The following GREB1 variants were observed in gnomAD, a reference collection of about 807,000 sequenced individuals.
The protein encoded by GREB1 is growth regulating estrogen receptor binding 1, also known as protein GREB1.
GREB1 carries 106 observed loss-of-function variants against 200.7 expected under a neutral mutation model. That is an observed-to-expected ratio of 0.53 (90% CI 0.45 to 0.62). The LOEUF (loss-of-function observed/expected upper bound fraction) is 0.62, where lower values mean the gene tolerates loss of function less well. Ranked by LOEUF, GREB1 falls within the 20% of genes least tolerant of loss-of-function variation. The pLI, the probability that GREB1 is intolerant of heterozygous loss-of-function variation, is 0.00. For missense variants in GREB1, 2,243 were observed against 2,556.8 expected (o/e 0.88, Z 2.65); for synonymous variants, 1,132 against 1,092.4 (o/e 1.04, Z -0.72).
At chr2:11,564,085 T>C (rs1050705674) in intron 3 of GREB1, among the ~76,000 whole-genome samples, 5 of 152,268 alleles carry the variant, frequency 3.3e-5, no homozygotes, top group African/African-American at 1.2e-4. Flanking sequence ...GGGAACAGCA[T>C]GTGCAAAGGC....
chr2:11,589,075 C>T lies in GREB1; in HGVS notation c.1345+144C>T, dbSNP rs1680470593. On this transcript the variant is annotated intron_variant, in intron 10 of 32. Transcript: ENST00000381486. ...GCTTATGGCTTCACTGGCGGGACGT[C>T]ATGAAGTCACTGTGGGCGTCCCCAC... The T allele has an allele frequency of 4.1e-5, 27 of 661,276 alleles. No individual in the cohort carries two copies. The South Asian group carries it at 4.4e-4, about 11-fold the overall frequency. 41.0% of individuals were successfully genotyped at this position (661,276 alleles called of 1,614,324 possible). A position where few individuals can be genotyped will look rare whatever the true frequency, so the allele number is the denominator to read the frequency against.
intron 1 of GREB1, among the ~76,000 whole-genome samples, chr2:11,485,721 C>T (rs1355709628): frequency 6.6e-6 from 1 of 152,104 alleles, no homozygotes; most frequent in African/African-American, 2.4e-5. Context: ...TATTGAATAC[C>T]TGTGGCATTA....
At chr2:11,538,391 T>A (rs2148507229) in intron 1 of GREB1, among the ~76,000 whole-genome samples, 2 of 152,276 alleles carry the variant, frequency 1.3e-5, no homozygotes, top group South Asian at 4.1e-4. Flanking sequence ...AAAAGATAAA[T>A]GACCTTGAAC....
rs1162236740 is a variant in GREB1 at position 11,597,597 on chromosome 2, C to T, written c.1955-184C>T. On this transcript the variant is annotated intron_variant, in intron 13 of 32. Coordinates refer to ENST00000381486, the MANE Select transcript of GREB1 (RefSeq NM_014668.4). The surrounding 1 kb of genome is among the most constrained non-coding windows in gnomAD (Gnocchi z 4.1). ...AGATGGTGCATAAAATGATTGCTAC[C>T]CCCACACCCGCCACTGCTTAGCTGA... Among the ~76,000 whole-genome samples, 1 of 152,052 alleles carries T rather than the reference C, an allele frequency of 6.6e-6. No individual in the cohort carries two copies.
intron 27 of GREB1, 104 bp from the exon 28 acceptor site, chr2:11,632,785 G>C (rs1684990439): frequency 1.1e-6 from 1 of 895,844 alleles, no homozygotes; most frequent in Non-Finnish European, 1.8e-6. Flanking sequence ...GGAAGGTCGG[G>C]GCTGGCTTGT....
chr2:11,579,376 C>T (rs1679224782), intron 6 of GREB1, among the ~76,000 whole-genome samples: 1 of 152,242 alleles, frequency 6.6e-6, no homozygotes, highest in South Asian at 2.1e-4. Flanking sequence ...ACCTCTGAAC[C>T]TCCATTTCCT....
rs1381811105 is a variant in GREB1 at position 11,493,789 on chromosome 2, C to T, written c.-159+11408C>T. Among the ~76,000 whole-genome samples, 2 of 152,108 alleles carry T rather than the reference C, an allele frequency of 1.3e-5. No homozygotes were observed. Among genetic ancestry groups the T allele is most frequent in the Admixed American group, 1.3e-4 (2 of 15,278 alleles). On this transcript the variant is annotated intron_variant, in intron 1 of 2. Coordinates refer to the GREB1 transcript ENST00000628795. This position sits in a 1 kb window ranked among gnomAD's most constrained non-coding sequence, Gnocchi z 4.6. ...GCTCTGTGCCAGGCATGGTAAGAGG[C>T]ACATGAGGTATAAGTTGCAAACTCT...
At chr2:11,605,144 CTTTTTTTTTTTTTTTT>C (rs3035991) in intron 17 of GREB1, among the ~76,000 whole-genome samples, 1,414 of 44,892 alleles carry the variant, frequency 0.031, 35 homozygotes, top group Non-Finnish European at 0.055. Flanking sequence ...GAGCCTGCTT[CTTTTTTTTTTTTTTTT>C]TTTTTTTTTT....
rs530793070 is a variant in GREB1 at position 11,580,047 on chromosome 2, C to T, written c.773-657C>T. Reference sequence around the variant, plus strand: ...AAAGGAGAAGCAAAGGCACGTCTTACATGATGGCAGTCAAGAGAGCATGTG... The same window carrying T: ...AAAGGAGAAGCAAAGGCACGTCTTATATGATGGCAGTCAAGAGAGCATGTG... On this transcript the variant is annotated intron_variant, in intron 6 of 32. Coordinates refer to ENST00000381486, the MANE Select transcript of GREB1 (RefSeq NM_014668.4). This position sits in a 1 kb window ranked among gnomAD's most constrained non-coding sequence, Gnocchi z 4.5. Among the ~76,000 whole-genome samples, 33 of 152,336 alleles carry T rather than the reference C, an allele frequency of 2.2e-4. No homozygotes were observed. The South Asian group carries it at 6.4e-3, about 30-fold the overall frequency.
At chr2:11,593,823 C>T (rs1181693129) in intron 11 of GREB1, among the ~76,000 whole-genome samples, 1 of 152,044 alleles carries the variant, frequency 6.6e-6, no homozygotes, top group East Asian at 1.9e-4. Flanking sequence ...AGCCACTGTT[C>T]TAGAGGCTGG....
At chr2:11,566,131 G>C (rs558363640) in intron 3 of GREB1, among the ~76,000 whole-genome samples, 1 of 152,150 alleles carries the variant, frequency 6.6e-6, no homozygotes, top group East Asian at 1.9e-4. Context: ...TGATTCTCCT[G>C]CCCCAGCCTG....
chr2:11,575,331 A>G (rs1429415302), intron 4 of GREB1, among the ~76,000 whole-genome samples: 1 of 152,254 alleles, frequency 6.6e-6, no homozygotes, highest in Non-Finnish European at 1.5e-5. Context: ...CCTGGGCAGA[A>G]GCCCAGTCTT....
In GREB1 at chr2:11,499,061, T is replaced by C. The variant is rs1672960976; in HGVS notation, c.-159+16680T>C. Reference sequence around the variant, plus strand: ...ACATAAAAAGCACAGATAAGCAACATGTATCTGCAATCCCCATAAACACAG... The same window carrying C: ...ACATAAAAAGCACAGATAAGCAACACGTATCTGCAATCCCCATAAACACAG... On this transcript the variant is annotated intron_variant, in intron 1 of 2. Coordinates refer to the GREB1 transcript ENST00000628795. 3.3e-5 allele frequency among the ~76,000 whole-genome samples: 5 copies of C among 152,204 alleles called. No homozygotes were observed. In the South Asian group the frequency reaches 1.0e-3, roughly 32 times the overall value.
rs1683738224 is a variant in GREB1 at position 11,618,770 on chromosome 2, C to T, written c.3895C>T (p.Leu1299Phe). 6.2e-7 allele frequency: 1 copy of T among 1,612,778 alleles called. No homozygotes were observed. The highest frequency in any genetic ancestry group is 1.7e-5 in the Admixed American group (1 of 60,014). Reference protein sequence around the residue: ...VMWASSFRPLLSKTMTSTEQS... With the variant: ...VMWASSFRPLFSKTMTSTEQS... Reference sequence around the variant, plus strand: ...GTGGGCCAGCTCTTTCCGCCCCCTGCTCAGCAAGACCATGACATCCACCGA... The same window carrying T: ...GTGGGCCAGCTCTTTCCGCCCCCTGTTCAGCAAGACCATGACATCCACCGA... Residue 1299 changes from leucine (L) to phenylalanine (F), a missense_variant, in exon 22 of 33, where the codon CTC (leucine) becomes TTC (phenylalanine). Coordinates refer to ENST00000381486, the MANE Select transcript of GREB1 (RefSeq NM_014668.4).
At chr2:11,594,077 C>T (rs1295473457) in intron 11 of GREB1, among the ~76,000 whole-genome samples, 2 of 152,176 alleles carry the variant, frequency 1.3e-5, no homozygotes, top group African/African-American at 4.8e-5. Flanking sequence ...GATCTTGGCT[C>T]ATTGCAGTAT....
At chr2:11,484,198 A>T (rs1672590110) in intron 1 of GREB1, among the ~76,000 whole-genome samples, 1 of 152,230 alleles carries the variant, frequency 6.6e-6, no homozygotes, top group South Asian at 2.1e-4. Context: ...AGAATTGTTC[A>T]TAAGCAATCC....
At position 11,596,208 on chromosome 2, in the gene GREB1, C is replaced by G; in HGVS notation, c.1923C>G (p.Ser641=). The G allele has an allele frequency of 6.2e-7, 1 of 1,613,826 alleles. No homozygotes were observed. The highest frequency in any genetic ancestry group is 8.5e-7 in the Non-Finnish European group (1 of 1,179,746). The change falls in exon 13 of 33, where the codon TCC becomes TCG. Residue 641 remains serine, a synonymous_variant. Coordinates refer to ENST00000381486, the MANE Select transcript of GREB1 (RefSeq NM_014668.4). ...LAASSVTKAA[S]LDVSGTPVCT... ...CCTCTTCTGTCACTAAAGCAGCATC[C>G]CTGGATGTCAGTGGGACACCGGTGT... is the stretch of plus-strand genomic sequence containing the variant.
intron 17 of GREB1, among the ~76,000 whole-genome samples, chr2:11,604,416 G>A (rs1682065037): frequency 6.6e-6 from 1 of 152,112 alleles, no homozygotes. Flanking sequence ...AACAGGGCCT[G>A]GCACACATTA....
intron 1 of GREB1, among the ~76,000 whole-genome samples, chr2:11,514,625 T>C (rs1431183071): frequency 2.0e-5 from 3 of 152,204 alleles, no homozygotes; most frequent in Non-Finnish European, 2.9e-5. Flanking sequence ...GAGGTTTCAG[T>C]TGGGCCAAAG....
Sources: allele counts gnomAD v4.1 joint callset (sites outside exome capture counted in the v4.1 genomes callset), GRCh38; gene constraint gnomAD v4.1.1; non-coding constraint Gnocchi (gnomAD v3.1); transcripts MANE v1.5; gene names NCBI Gene and HGNC (gene_info 2026-07-23, HGNC 2026-07-21).